The following CHIC1 variants were observed in gnomAD, a reference collection of about 807,000 sequenced individuals.
The protein encoded by CHIC1 is cysteine-rich hydrophobic domain-containing protein 1.
In CHIC1, 7 loss-of-function variants were observed where a neutral mutation model predicts 18.5. The ratio of observed to expected loss-of-function variants is 0.38; its 90% CI spans 0.22 to 0.71. CHIC1 has a LOEUF of 0.71. Among genes scored for constraint, CHIC1 ranks in the 30% least tolerant of loss-of-function variants. The pLI is 0.49. For synonymous variants in CHIC1, 77 were observed against 73.5 expected (o/e 1.05, Z -0.25); for missense variants, 159 against 176.9 (o/e 0.90, Z 0.57).
At chrX:73,587,078 G>T (rs760619303) in intron 3 of CHIC1, among the ~76,000 whole-genome samples, 158 of 111,819 alleles carry the variant, frequency 1.4e-3, no homozygotes, top group African/African-American at 4.9e-3. Flanking sequence ...CCTTGCTCTA[G>T]CCATCTCTAA....
chrX:73,679,248 G>T, intron 3 of CHIC1, 78 bp from the exon 4 acceptor site: 2 of 613,251 alleles, frequency 3.3e-6, no homozygotes, highest in South Asian at 5.4e-5. Flanking sequence ...GTTACAAGTA[G>T]GCAGAAAAAT....
At chrX:73,680,625 C>T (rs767663740) in intron 5 of CHIC1, among the ~76,000 whole-genome samples, 1 of 110,614 alleles carries the variant, frequency 9.0e-6, no homozygotes, top group East Asian at 2.8e-4. Context: ...ACTTTGCTAA[C>T]AAAGAGATAG....
At chrX:73,653,291 C>T (rs1288165201) in intron 3 of CHIC1, among the ~76,000 whole-genome samples, 1 of 111,225 alleles carries the variant, frequency 9.0e-6, no homozygotes, top group Non-Finnish European at 1.9e-5. Context: ...CCATGGTACA[C>T]GTATACCTAT....
intron 3 of CHIC1, among the ~76,000 whole-genome samples, chrX:73,663,718 T>C (rs2057991693): frequency 9.0e-6 from 1 of 111,198 alleles, no homozygotes; most frequent in African/African-American, 3.3e-5. Flanking sequence ...AGTGATTAAT[T>C]GGTTCAGATA....
At chrX:73,599,399 T>A (rs1461275857) in intron 3 of CHIC1, among the ~76,000 whole-genome samples, 4 of 90,027 alleles carry the variant, frequency 4.4e-5, no homozygotes, top group African/African-American at 1.6e-4. Flanking sequence ...AGACATGAAG[T>A]CCTTGCCCAT....
At chrX:73,594,780 G>T (rs2057599023) in intron 3 of CHIC1, among the ~76,000 whole-genome samples, 1 of 110,843 alleles carries the variant, frequency 9.0e-6, no homozygotes, top group Non-Finnish European at 1.9e-5. Flanking sequence ...TTCATACTCT[G>T]CTAACTTCTA....
intron 3 of CHIC1, among the ~76,000 whole-genome samples, chrX:73,605,925 A>AT (rs1232390656): frequency 1.9e-5 from 2 of 107,300 alleles, no homozygotes; most frequent in East Asian, 5.8e-4. Flanking sequence ...TGCCCTTAAC[A>AT]TTTTTTTCTT....
intron 1 of CHIC1, among the ~76,000 whole-genome samples, chrX:73,563,975 A>G (rs2057432158): frequency 8.9e-6 from 1 of 111,995 alleles, no homozygotes; most frequent in Non-Finnish European, 1.9e-5. Flanking sequence ...GTGACATGTG[A>G]CAAGAACTAG....
At chrX:73,584,295 G>T in intron 2 of CHIC1, 122 bp from the exon 3 acceptor site, 2 of 566,014 alleles carry the variant, frequency 3.5e-6, no homozygotes, top group Non-Finnish European at 5.3e-6. Context: ...ATATTTATGG[G>T]GAATATATCT....
At chrX:73,625,130 G>T (rs1458838018) in intron 3 of CHIC1, among the ~76,000 whole-genome samples, 2 of 110,646 alleles carry the variant, frequency 1.8e-5, no homozygotes, top group African/African-American at 6.6e-5. Flanking sequence ...CTGTTTCATG[G>T]AACCGCAGGC....
At chrX:73,592,387 T>C (rs954687062) in intron 3 of CHIC1, among the ~76,000 whole-genome samples, 2 of 111,824 alleles carry the variant, frequency 1.8e-5, no homozygotes, top group Admixed American at 9.5e-5. Context: ...ATTTCTTTGA[T>C]GGCTAGTTTG....
chrX:73,601,368 C>T (rs1332959160), intron 3 of CHIC1, among the ~76,000 whole-genome samples: 5 of 106,019 alleles, frequency 4.7e-5, no homozygotes, highest in African/African-American at 1.8e-4. Context: ...ATCTCTCAGA[C>T]CACAGTGCAA....
At chrX:73,630,163 A>G (rs988697433) in intron 3 of CHIC1, among the ~76,000 whole-genome samples, 1 of 111,744 alleles carries the variant, frequency 8.9e-6, no homozygotes, top group East Asian at 2.8e-4. Context: ...TGGGGTCTTT[A>G]TAGGATTTTC....
intron 1 of CHIC1, among the ~76,000 whole-genome samples, chrX:73,573,045 C>A (rs772830038): frequency 8.2e-4 from 91 of 110,934 alleles, no homozygotes; most frequent in Non-Finnish European, 1.3e-3. Context: ...GGGTGTTTCC[C>A]AGGTTTTCTT....
chrX:73,612,588 G>T (rs2057714249), intron 3 of CHIC1, among the ~76,000 whole-genome samples: 1 of 111,744 alleles, frequency 8.9e-6, no homozygotes, highest in African/African-American at 3.3e-5. Flanking sequence ...GGAACATGTG[G>T]TTTAATTTCC....
chrX:73,587,618 TATAAAA>T (rs1269701439), intron 3 of CHIC1, among the ~76,000 whole-genome samples: 1 of 111,401 alleles, frequency 9.0e-6, no homozygotes, highest in Admixed American at 9.6e-5. Flanking sequence ...TGTAGCTAAT[TATAAAA>T]AGAAGGAAAA....
chrX:73,593,198 G>C (rs1452232895), intron 3 of CHIC1, among the ~76,000 whole-genome samples: 1 of 111,015 alleles, frequency 9.0e-6, no homozygotes, highest in South Asian at 3.8e-4. Context: ...TGGGGTCTCA[G>C]TTCCTTTCAG....
intron 3 of CHIC1, among the ~76,000 whole-genome samples, chrX:73,650,785 C>A (rs1480622298): frequency 1.8e-5 from 2 of 109,111 alleles, no homozygotes; most frequent in African/African-American, 6.7e-5. Context: ...GGTACCATTT[C>A]TTCTGAAACT....
At chrX:73,586,251 A>G (rs1276050442) in intron 3 of CHIC1, among the ~76,000 whole-genome samples, 1 of 111,074 alleles carries the variant, frequency 9.0e-6, no homozygotes, top group African/African-American at 3.3e-5. Flanking sequence ...GAAACCACCC[A>G]TAGTTTACAT....
Sources: gnomAD v4.1 joint callset for allele counts (sites outside exome capture counted in the v4.1 genomes callset) on GRCh38, gnomAD v4.1.1 for gene constraint, MANE v1.5 for transcripts, NCBI Gene and HGNC (gene_info 2026-07-23, HGNC 2026-07-21) for gene names.